LRRTM4: variants seen among roughly 807,000 people sequenced by gnomAD.
The protein encoded by LRRTM4 is leucine-rich repeat transmembrane neuronal protein 4.
LRRTM4 carries 25 observed loss-of-function variants against 47.6 expected under a neutral mutation model. The observed-to-expected ratio is 0.53, with a 90% CI of 0.38 to 0.73. LRRTM4 has a LOEUF of 0.73. Ranked by LOEUF, LRRTM4 falls within the 30% of genes least tolerant of loss-of-function variation. The pLI, the probability that LRRTM4 is intolerant of heterozygous loss-of-function variation, is 0.00. For missense variants in LRRTM4, 638 were observed against 713.4 expected (o/e 0.89, Z 1.20); for synonymous variants, 311 against 269.5 (o/e 1.15, Z -1.51).
intron 3 of LRRTM4, among the ~76,000 whole-genome samples, chr2:76,908,407 G>C (rs1236956064): frequency 6.6e-6 from 1 of 151,568 alleles, no homozygotes; most frequent in African/African-American, 2.4e-5. Context: ...GCAAAAACTG[G>C]AAGCATTCCC....
intron 3 of LRRTM4, among the ~76,000 whole-genome samples, chr2:77,032,528 T>A (rs1390778835): frequency 6.6e-6 from 1 of 152,128 alleles, no homozygotes; most frequent in Admixed American, 6.6e-5. Context: ...AGAAGTTCAA[T>A]ATATTTTTTG....
At position 77,430,653 on chromosome 2, in the gene LRRTM4, G is replaced by A. The variant is rs535891420; in HGVS notation, c.1551+87665C>T. Among the ~76,000 whole-genome samples the A allele has an allele frequency of 1.4e-3, 208 of 147,322 alleles. 2 individuals carry two copies. The highest frequency in any genetic ancestry group is 1.8e-3 in the Non-Finnish European group (119 of 67,906). On this transcript the variant is annotated intron_variant, in intron 3 of 3. Coordinates refer to ENST00000409884, the MANE Select transcript of LRRTM4 (RefSeq NM_001134745.3). The stretch of plus-strand genomic sequence containing the variant: ...GGAGAATCACTTGAACCCAGGAGGC[G>A]GAGGTTGTGGTGAGCTGAGACCACG...
At chr2:77,458,247 T>A (rs1676638680) in intron 3 of LRRTM4, among the ~76,000 whole-genome samples, 2 of 152,086 alleles carry the variant, frequency 1.3e-5, no homozygotes, top group Admixed American at 1.3e-4. Flanking sequence ...AAGAACAAAT[T>A]TTAGAGTTCC....
chr2:77,247,718 T>A (rs1675486341), intron 3 of LRRTM4, among the ~76,000 whole-genome samples: 1 of 152,060 alleles, frequency 6.6e-6, no homozygotes, highest in Non-Finnish European at 1.5e-5. Flanking sequence ...CAGAAAAATG[T>A]CATATTGTTC....
At chr2:76,873,573 T>C (rs953756376) in intron 3 of LRRTM4, among the ~76,000 whole-genome samples, 4 of 145,892 alleles carry the variant, frequency 2.7e-5, no homozygotes, top group African/African-American at 7.7e-5. Flanking sequence ...AAAGATATGC[T>C]AGATCCTCTG....
chr2:77,226,519 T>A (rs1428382430), intron 3 of LRRTM4, among the ~76,000 whole-genome samples: 2 of 141,464 alleles, frequency 1.4e-5, no homozygotes, highest in East Asian at 4.1e-4. Flanking sequence ...GATGTGCTTA[T>A]TACAGAGCAA....
intron 3 of LRRTM4, among the ~76,000 whole-genome samples, chr2:77,043,375 T>A (rs1487057099): frequency 6.6e-6 from 1 of 151,798 alleles, no homozygotes; most frequent in Admixed American, 6.6e-5. Context: ...TTGGGCATTG[T>A]CTTCGCAACA....
At position 76,997,943 on chromosome 2, in the gene LRRTM4, T is replaced by G. The variant is rs190382791; in HGVS notation, c.1552-249027A>C. On this transcript the variant is annotated intron_variant, in intron 3 of 3. Transcript: ENST00000409884. Reference sequence around the variant, plus strand: ...AGGTTGCACACTCCTTATAAGAATCTAACGCCTGATGATGTTACTGTCTCC... The same window carrying G: ...AGGTTGCACACTCCTTATAAGAATCGAACGCCTGATGATGTTACTGTCTCC... 1.2e-4 allele frequency among the ~76,000 whole-genome samples: 19 copies of G among 152,062 alleles called. No homozygotes were observed. The East Asian group carries it at 3.1e-3, about 25-fold the overall frequency.
intron 3 of LRRTM4, among the ~76,000 whole-genome samples, chr2:77,502,133 A>C (rs1448584572): frequency 6.6e-6 from 1 of 151,556 alleles, no homozygotes; most frequent in Non-Finnish European, 1.5e-5. Flanking sequence ...CTAACTAAAA[A>C]TATGTGTAGA....
At chr2:77,087,562 G>C (rs1274108495) in intron 3 of LRRTM4, among the ~76,000 whole-genome samples, 1 of 152,194 alleles carries the variant, frequency 6.6e-6, no homozygotes, top group Non-Finnish European at 1.5e-5. Flanking sequence ...ATTACATCTT[G>C]AGAAACTTGA....
intron 3 of LRRTM4, among the ~76,000 whole-genome samples, chr2:77,284,824 C>T (rs1050269561): frequency 6.6e-6 from 1 of 151,916 alleles, no homozygotes; most frequent in African/African-American, 2.4e-5. Context: ...TGTTGATAAT[C>T]TCAACAACAG....
chr2:77,249,827 C>A (rs1372847691), intron 3 of LRRTM4, among the ~76,000 whole-genome samples: 1 of 152,100 alleles, frequency 6.6e-6, no homozygotes, highest in Non-Finnish European at 1.5e-5. Context: ...TTGTATTCAT[C>A]CAAGGGTGTA....
chr2:77,082,670 T>A (rs7562581), intron 3 of LRRTM4, among the ~76,000 whole-genome samples: 1 of 144,180 alleles, frequency 6.9e-6, no homozygotes, highest in Middle Eastern at 3.5e-3. Context: ...TCTCGCTAGT[T>A]AAAAAATATT....
intron 3 of LRRTM4, among the ~76,000 whole-genome samples, chr2:77,301,165 G>T (rs543413929): frequency 1.3e-5 from 2 of 151,976 alleles, no homozygotes; most frequent in East Asian, 3.9e-4. Context: ...ATGCTTCATG[G>T]AATTTTTCAG....
chr2:77,407,475 G>A (rs1674240085), intron 3 of LRRTM4, among the ~76,000 whole-genome samples: 1 of 149,984 alleles, frequency 6.7e-6, no homozygotes, highest in African/African-American at 2.5e-5. Flanking sequence ...TTTAATTTGG[G>A]GCTTATTTTT....
chr2:77,303,810 G>A (rs375348902), intron 3 of LRRTM4, among the ~76,000 whole-genome samples: 2 of 152,108 alleles, frequency 1.3e-5, no homozygotes, highest in South Asian at 2.1e-4. Context: ...TGGCTGAATA[G>A]TATCCCATTG....
At chr2:77,450,316 G>GAC (rs918464895) in intron 3 of LRRTM4, among the ~76,000 whole-genome samples, 41 of 147,902 alleles carry the variant, frequency 2.8e-4, no homozygotes, top group Non-Finnish European at 5.7e-4. Flanking sequence ...CACAAACACA[G>GAC]ACACACACAC....
intron 3 of LRRTM4, among the ~76,000 whole-genome samples, chr2:77,167,512 T>C (rs547718066): frequency 2.4e-4 from 36 of 152,334 alleles, no homozygotes; most frequent in Middle Eastern, 3.4e-3. Context: ...CGTATGTTTA[T>C]TGAGGCACTG....
chr2:77,483,753 T>C (rs781509503), intron 3 of LRRTM4, among the ~76,000 whole-genome samples: 2 of 152,016 alleles, frequency 1.3e-5, no homozygotes, highest in Non-Finnish European at 2.9e-5. Flanking sequence ...ATCAAGAAAA[T>C]GTTGGGGGAT....
Sources: gnomAD v4.1 joint callset for allele counts (sites outside exome capture counted in the v4.1 genomes callset) on GRCh38, gnomAD v4.1.1 for gene constraint, MANE v1.5 for transcripts, NCBI Gene and HGNC (gene_info 2026-07-23, HGNC 2026-07-21) for gene names.